The following CPNE8 variants were observed in gnomAD, a reference collection of about 807,000 sequenced individuals.
CPNE8 encodes the protein copine-8.
A neutral mutation model predicts 81.5 loss-of-function variants in CPNE8; 45 were observed. The observed-to-expected ratio is 0.55, with a 90% CI of 0.44 to 0.71. CPNE8 has a LOEUF of 0.71. CPNE8 is among the 30% of genes least tolerant of loss of function. The pLI is 0.00. For missense variants in CPNE8, 594 were observed against 672.1 expected, an observed-to-expected ratio of 0.88 and a Z score of 1.28; for synonymous variants, 252 against 226.3, an observed-to-expected ratio of 1.11 and a Z score of -1.02.
intron 6 of CPNE8, among the ~76,000 whole-genome samples, chr12:38,808,315 GCA>G (rs71449472): frequency 1.3e-4 from 19 of 151,836 alleles, no homozygotes; most frequent in Non-Finnish European, 2.4e-4. Flanking sequence ...TATGTTTATT[GCA>G]CGGCACTATT....
rs76125380 is a variant in CPNE8 at position 38,669,114 on chromosome 12, A to G, written c.1506+1615T>C. ...ATGAGCTTCTTAAGCAAATGACCAT[A>G]TCACCAGGTTCTTTTTCCCAGCTGC... On this transcript the variant is annotated intron_variant, in intron 19 of 19. Coordinates refer to ENST00000331366, the MANE Select transcript of CPNE8 (RefSeq NM_153634.3). 3.5e-4 allele frequency among the ~76,000 whole-genome samples: 54 copies of G among 152,248 alleles called. 1 individual carries two copies. In the East Asian group the frequency reaches 0.01, roughly 29 times the overall value.
intron 10 of CPNE8, among the ~76,000 whole-genome samples, chr12:38,752,295 C>T (rs1941366914): frequency 6.6e-6 from 1 of 152,126 alleles, no homozygotes; most frequent in Non-Finnish European, 1.5e-5. Flanking sequence ...GTAGTAATGC[C>T]TAGGCCTTAC....
At chr12:38,796,770 G>A (rs1942487021) in intron 6 of CPNE8, among the ~76,000 whole-genome samples, 1 of 152,132 alleles carries the variant, frequency 6.6e-6, no homozygotes, top group Non-Finnish European at 1.5e-5. Flanking sequence ...AGCTCAAGTG[G>A]TCAGGGAGTT....
chr12:38,880,636 T>TA (rs1178141762), intron 1 of CPNE8, among the ~76,000 whole-genome samples: 19 of 152,184 alleles, frequency 1.2e-4, no homozygotes, highest in Admixed American at 6.5e-4. Context: ...TGTATATATA[T>TA]TTTTTAATGT....
chr12:38,671,810 G>A (rs1015549716), intron 18 of CPNE8, among the ~76,000 whole-genome samples: 2 of 151,954 alleles, frequency 1.3e-5, no homozygotes, highest in African/African-American at 4.8e-5. Context: ...TTCTACACAT[G>A]TTCATGAGTC....
At chr12:38,795,867 G>GGATGGATGGATGGATAGATAGATA (rs150549824) in intron 6 of CPNE8, among the ~76,000 whole-genome samples, 2 of 148,134 alleles carry the variant, frequency 1.4e-5, no homozygotes, top group Non-Finnish European at 3.0e-5. Context: ...ATGGATGGAT[G>GGATGGATGGATGGATAGATAGATA]GATAGATAGA....
At chr12:38,678,722 G>T (rs1270911245) in intron 16 of CPNE8, among the ~76,000 whole-genome samples, 2 of 151,842 alleles carry the variant, frequency 1.3e-5, no homozygotes, top group Admixed American at 6.6e-5. Context: ...TAGATAATAA[G>T]ATTTGTCCAT....
chr12:38,816,347 C>A (rs1943023152), intron 6 of CPNE8, among the ~76,000 whole-genome samples: 1 of 152,096 alleles, frequency 6.6e-6, no homozygotes, highest in Admixed American at 6.5e-5. Context: ...ATAATGTTTT[C>A]TTTTGAAGTC....
intron 10 of CPNE8, among the ~76,000 whole-genome samples, chr12:38,743,038 T>C (rs1382709611): frequency 6.6e-6 from 1 of 152,116 alleles, no homozygotes; most frequent in African/African-American, 2.4e-5. Flanking sequence ...TAGTAATTAA[T>C]ATATTTCATT....
At chr12:38,834,004 G>C (rs1003177171) in intron 5 of CPNE8, among the ~76,000 whole-genome samples, 54 of 152,172 alleles carry the variant, frequency 3.5e-4, no homozygotes, top group Non-Finnish European at 8.8e-5. Flanking sequence ...CAGCAGGTTA[G>C]AGCAGGGTGA....
chr12:38,773,458 C>T (rs1191043048), intron 7 of CPNE8, among the ~76,000 whole-genome samples: 1 of 151,924 alleles, frequency 6.6e-6, no homozygotes, highest in Non-Finnish European at 1.5e-5. Context: ...TTAAATATGT[C>T]CAGTTATTTG....
chr12:38,783,095 A>C (rs1942091681), intron 6 of CPNE8, among the ~76,000 whole-genome samples: 1 of 152,184 alleles, frequency 6.6e-6, no homozygotes, highest in African/African-American at 2.4e-5. Flanking sequence ...AGAGACATAG[A>C]ATAATAAAAC....
At chr12:38,905,924 C>T (rs1445632907), upstream of CPNE8, 1 of 985,372 alleles carries the variant, frequency 1.0e-6, no homozygotes, top group Non-Finnish European at 1.2e-6. Flanking sequence ...CGTCCAGGAC[C>T]GCAAGCCCTC....
intron 7 of CPNE8, among the ~76,000 whole-genome samples, chr12:38,773,230 TCTA>T (rs1941844815): frequency 6.6e-6 from 1 of 152,090 alleles, no homozygotes; most frequent in South Asian, 2.1e-4. Flanking sequence ...GTCATAGAGA[TCTA>T]CTATATACAG....
chr12:38,878,489 G>A (rs1375598554), intron 1 of CPNE8, among the ~76,000 whole-genome samples: 1 of 152,152 alleles, frequency 6.6e-6, no homozygotes, highest in Non-Finnish European at 1.5e-5. Flanking sequence ...CTTGAGAACA[G>A]CCTGCCTTCT....
intron 8 of CPNE8, among the ~76,000 whole-genome samples, chr12:38,764,799 C>G (rs941575546): frequency 1.3e-5 from 2 of 151,440 alleles, no homozygotes; most frequent in African/African-American, 4.9e-5. Context: ...TAATATATAG[C>G]AAGTCTTTGG....
intron 10 of CPNE8, among the ~76,000 whole-genome samples, chr12:38,747,293 G>A (rs1324865541): frequency 2.6e-5 from 4 of 152,056 alleles, no homozygotes; most frequent in Non-Finnish European, 2.9e-5. Flanking sequence ...GTCTCTGCTT[G>A]CTTACTTACT....
At chr12:38,847,954 C>T (rs1319581230) in intron 4 of CPNE8, among the ~76,000 whole-genome samples, 2 of 152,036 alleles carry the variant, frequency 1.3e-5, no homozygotes, top group Non-Finnish European at 2.9e-5. Flanking sequence ...CCAGATACTT[C>T]AACAATCACT....
At chr12:38,663,909 T>C (rs531099609) in intron 19 of CPNE8, among the ~76,000 whole-genome samples, 1 of 152,124 alleles carries the variant, frequency 6.6e-6, no homozygotes, top group African/African-American at 2.4e-5. Context: ...CTCATATGTG[T>C]AAGCTAAAAA....
Sources: allele counts gnomAD v4.1 joint callset (sites outside exome capture counted in the v4.1 genomes callset), GRCh38; gene constraint gnomAD v4.1.1; transcripts MANE v1.5; gene names NCBI Gene and HGNC (gene_info 2026-07-23, HGNC 2026-07-21).